The following SNX29 variants were observed in gnomAD, a reference collection of about 807,000 sequenced individuals.
SNX29 encodes the protein sorting nexin 29.
Under a neutral mutation model 102.1 loss-of-function variants are expected in SNX29, and 78 were observed. That is an observed-to-expected ratio of 0.76 (90% CI 0.64 to 0.92). The LOEUF (loss-of-function observed/expected upper bound fraction) is 0.92, where lower values mean the gene tolerates loss of function less well. Among genes scored for constraint, SNX29 ranks in the 40% least tolerant of loss-of-function variants. The pLI is 0.00. For synonymous variants in SNX29, 580 were observed against 414.5 expected (o/e 1.40, Z -4.85); for missense variants, 1,280 against 1,061.7 (o/e 1.21, Z -2.86).
At position 12,574,051 on chromosome 16, in the gene SNX29, A is replaced by T. The variant is rs1061008; in HGVS notation, c.*5422A>T. 0.33 allele frequency: 64,361 copies of T among 193,900 alleles called. 11,642 individuals are homozygous for T. The highest frequency in any genetic ancestry group is 0.46 in the African/African-American group (19,686 of 43,194). 12.0% of individuals were successfully genotyped at this position (193,900 alleles called of 1,614,324 possible). On this transcript the variant is annotated 3_prime_UTR_variant, in exon 21 of 21. Coordinates refer to ENST00000566228, the MANE Select transcript of SNX29 (RefSeq NM_032167.5). ...ATCTAGAGTCTGATAGTCTGTGTGT[A>T]CATAAGGTCTAGAAGTCTGTGGAAA...
At chr16:12,538,068 C>G (rs192977134) in intron 20 of SNX29, among the ~76,000 whole-genome samples, 1 of 151,572 alleles carries the variant, frequency 6.6e-6, no homozygotes, top group East Asian at 1.9e-4. Context: ...TTGGTGACAG[C>G]TTTCTTCTCA....
chr16:12,459,225 A>G (rs1412340426), intron 18 of SNX29, among the ~76,000 whole-genome samples: 1 of 144,148 alleles, frequency 6.9e-6, no homozygotes, highest in Non-Finnish European at 1.5e-5. Context: ...TGTGTTCTCT[A>G]GTAGGTTCCT....
At chr16:12,471,982 C>G (rs1271659237) in intron 18 of SNX29, among the ~76,000 whole-genome samples, 1 of 152,230 alleles carries the variant, frequency 6.6e-6, no homozygotes, top group Non-Finnish European at 1.5e-5. Context: ...GTGCAAAAGC[C>G]ACACACGCAA....
chr16:12,202,609 G>A (rs907556149), intron 14 of SNX29, among the ~76,000 whole-genome samples: 8 of 152,212 alleles, frequency 5.3e-5, no homozygotes, highest in African/African-American at 1.9e-4. Flanking sequence ...TGTTAATGGC[G>A]TTGGACACCC....
At chr16:12,527,262 C>T in intron 20 of SNX29, 1 of 533,120 alleles carries the variant, frequency 1.9e-6, no homozygotes, top group Non-Finnish European at 3.7e-6. Flanking sequence ...TGACGAATCT[C>T]CATGTGATCG....
intron 19 of SNX29, among the ~76,000 whole-genome samples, chr16:12,516,304 AC>A (rs558140754): frequency 4.6e-5 from 7 of 151,870 alleles, no homozygotes; most frequent in African/African-American, 1.7e-4. Context: ...ACATAGTGAG[AC>A]CCCGTCTCTA....
chr16:12,057,296 C>G (rs1055699162), intron 8 of SNX29, among the ~76,000 whole-genome samples: 2 of 152,144 alleles, frequency 1.3e-5, no homozygotes, highest in South Asian at 2.1e-4. Flanking sequence ...TTTGCGGAGA[C>G]CTTGGGTTGG....
At chr16:12,460,842 G>C (rs1387768795) in intron 18 of SNX29, among the ~76,000 whole-genome samples, 1 of 152,002 alleles carries the variant, frequency 6.6e-6, no homozygotes, top group African/African-American at 2.4e-5. Flanking sequence ...TGTACTTTTA[G>C]TAGAGAGAAT....
chr16:12,519,272 A>G (rs1488864545), intron 19 of SNX29, among the ~76,000 whole-genome samples: 3 of 152,190 alleles, frequency 2.0e-5, no homozygotes, highest in South Asian at 2.1e-4. Context: ...TGGTGGCACC[A>G]TGTCCCCCAA....
At chr16:12,015,691 G>C (rs1454604109) in intron 3 of SNX29, among the ~76,000 whole-genome samples, 1 of 129,550 alleles carries the variant, frequency 7.7e-6, no homozygotes, top group South Asian at 2.5e-4. Flanking sequence ...GCCCGCCACC[G>C]TGCCCGGCTA....
At chr16:12,541,054 T>C (rs1567677739) in intron 20 of SNX29, among the ~76,000 whole-genome samples, 1 of 152,190 alleles carries the variant, frequency 6.6e-6, no homozygotes, top group Non-Finnish European at 1.5e-5. Flanking sequence ...GGCTGCTATT[T>C]AGTTTCCTGA....
intron 20 of SNX29, among the ~76,000 whole-genome samples, chr16:12,555,782 C>T (rs770346260): frequency 6.6e-6 from 1 of 152,090 alleles, no homozygotes; most frequent in Non-Finnish European, 1.5e-5. Context: ...TCAGTGGCAC[C>T]AGGCAGGCAC....
intron 20 of SNX29, among the ~76,000 whole-genome samples, chr16:12,565,440 C>G (rs1315137386): frequency 1.3e-5 from 2 of 151,796 alleles, no homozygotes; most frequent in African/African-American, 2.4e-5. Flanking sequence ...GTGGCCTCAC[C>G]TGCCCCCTCC....
At chr16:12,493,573 T>C (rs1202789079) in intron 19 of SNX29, among the ~76,000 whole-genome samples, 2 of 152,170 alleles carry the variant, frequency 1.3e-5, no homozygotes, top group Non-Finnish European at 2.9e-5. Flanking sequence ...CAACACTATG[T>C]TGAATAGGAG....
intron 20 of SNX29, among the ~76,000 whole-genome samples, chr16:12,554,748 G>A (rs1277637991): frequency 1.3e-5 from 2 of 152,096 alleles, no homozygotes; most frequent in African/African-American, 4.8e-5. Flanking sequence ...TTTTCCTTAA[G>A]TGTATTAGAA....
intron 20 of SNX29, among the ~76,000 whole-genome samples, chr16:12,555,764 C>T (rs1321791232): frequency 1.3e-5 from 2 of 152,136 alleles, no homozygotes; most frequent in East Asian, 3.9e-4. Context: ...AACTAGCCTT[C>T]AGGCTGCTCA....
chr16:12,565,120 C>T (rs555700769), intron 20 of SNX29, among the ~76,000 whole-genome samples: 10 of 143,474 alleles, frequency 7.0e-5, no homozygotes, highest in Non-Finnish European at 1.2e-4. Flanking sequence ...GCCCTAGTCT[C>T]TTATCCACAT....
At chr16:12,043,955 T>C (rs1245622069) in intron 5 of SNX29, among the ~76,000 whole-genome samples, 1 of 152,222 alleles carries the variant, frequency 6.6e-6, no homozygotes, top group Non-Finnish European at 1.5e-5. Flanking sequence ...GGTTTAATCA[T>C]GTTGGCCAGG....
intron 20 of SNX29, among the ~76,000 whole-genome samples, chr16:12,566,325 C>T (rs928450685): frequency 9.9e-5 from 15 of 152,164 alleles, no homozygotes; most frequent in Non-Finnish European, 2.1e-4. Context: ...CTCTCCCTAC[C>T]CCTTCATAAC....
Sources: gnomAD v4.1 joint callset for allele counts (sites outside exome capture counted in the v4.1 genomes callset) on GRCh38, gnomAD v4.1.1 for gene constraint, MANE v1.5 for transcripts, NCBI Gene and HGNC (gene_info 2026-07-23, HGNC 2026-07-21) for gene names.